RC3H1: variants seen among roughly 807,000 people sequenced by gnomAD.
RC3H1 encodes roquin-1.
Under a neutral mutation model 138.2 loss-of-function variants are expected in RC3H1, and 50 were observed. The ratio of observed to expected loss-of-function variants is 0.36; its 90% CI spans 0.29 to 0.46. RC3H1 has a LOEUF of 0.46. Among genes scored for constraint, RC3H1 ranks in the 20% least tolerant of loss-of-function variants. RC3H1 has a pLI of 1.00. For synonymous variants in RC3H1, 462 were observed against 489.1 expected (o/e 0.94, Z 0.73); for missense variants, 1,031 against 1,388.1 (o/e 0.74, Z 4.09).
chr1:173,963,858 G>A, intron 11 of RC3H1, 115 bp downstream of exon 11: 4 of 750,168 alleles, frequency 5.3e-6, no homozygotes. Flanking sequence ...ATTAAAAAAT[G>A]CATTTATACA....
Position 173,983,410 on chromosome 1 carries a change from TTA to T in RC3H1, c.592+6_592+7del. 6.2e-7 allele frequency: 1 copy of T among 1,613,908 alleles called. No individual in the cohort carries two copies. Among genetic ancestry groups the T allele is most frequent in the Non-Finnish European group, 8.5e-7 (1 of 1,179,850 alleles). ...CAGCAGAATAAATACCTAAAGTTAA[TTA>T]TGTACCTGGTCCAAGGAACTGGCAT... On this transcript the variant is annotated splice_donor_region_variant and intron_variant, in intron 4 of 19. Coordinates refer to ENST00000367696, the MANE Select transcript of RC3H1 (RefSeq NM_172071.4).
chr1:174,007,311 AC>A lies in RC3H1; in HGVS notation c.-150-14177del, dbSNP rs375407513. Among the ~76,000 whole-genome samples, 206 of 151,426 alleles carry A rather than the reference AC, an allele frequency of 1.4e-3. 5 individuals carry two copies. In the East Asian group the frequency reaches 0.036, roughly 27 times the overall value. On this transcript the variant is annotated intron_variant, in intron 1 of 19. Coordinates refer to ENST00000367696, the MANE Select transcript of RC3H1 (RefSeq NM_172071.4). ...AGGCTGAGGCAGGAGAATGGCGTGA[AC>A]CCGGGAGGCGGAGCTTGCAGTGAGC...
intron 1 of RC3H1, among the ~76,000 whole-genome samples, chr1:173,997,587 G>A (rs900243032): frequency 6.6e-6 from 1 of 152,010 alleles, no homozygotes; most frequent in Non-Finnish European, 1.5e-5. Context: ...AAGGTATGTA[G>A]TTGTTAATCT....
chr1:173,984,051 T>C (rs1430917933), intron 3 of RC3H1, among the ~76,000 whole-genome samples: 1 of 152,228 alleles, frequency 6.6e-6, no homozygotes, highest in African/African-American at 2.4e-5. Flanking sequence ...AAGCCCTTTC[T>C]GTGCAGTAAT....
At chr1:174,014,655 G>A (rs534811337) in intron 1 of RC3H1, among the ~76,000 whole-genome samples, 2 of 152,196 alleles carry the variant, frequency 1.3e-5, no homozygotes, top group South Asian at 2.1e-4. Flanking sequence ...ATTTAAGGAG[G>A]AAAATAACAT....
At chr1:173,948,784 C>T (rs1033480129) in intron 14 of RC3H1, among the ~76,000 whole-genome samples, 1 of 151,884 alleles carries the variant, frequency 6.6e-6, no homozygotes, top group Non-Finnish European at 1.5e-5. Context: ...TGGGGTCTTG[C>T]TATGTTGCCC....
rs778957059 is a variant in RC3H1 at position 173,962,408 on chromosome 1, T to A, written c.1832-313A>T. 3.3e-4 allele frequency among the ~76,000 whole-genome samples: 50 copies of A among 152,188 alleles called. 1 individual carries two copies. Among genetic ancestry groups the A allele is most frequent in the Admixed American group, 1.8e-3 (28 of 15,278 alleles). On this transcript the variant is annotated intron_variant, in intron 11 of 19. Transcript: ENST00000367696. ...ACAAAAAAACTACATTTCCCAGATA[T>A]CCTTGAAGTCAGGTTCCACAAATCA...
intron 11 of RC3H1, 104 bp from the exon 12 acceptor site, chr1:173,962,199 C>A: frequency 9.2e-7 from 1 of 1,088,062 alleles, no homozygotes; most frequent in East Asian, 2.5e-5. Context: ...TATTGATAAT[C>A]TACTTATTTC....
At chr1:173,970,647 T>C (rs1571205488) in intron 8 of RC3H1, 30 bp from the exon 9 acceptor site, 2 of 1,377,714 alleles carry the variant, frequency 1.5e-6, no homozygotes, top group East Asian at 4.7e-5. Flanking sequence ...ATTAGATGTG[T>C]AATAACCCCC....
intron 8 of RC3H1, among the ~76,000 whole-genome samples, chr1:173,970,835 A>G (rs933425867): frequency 2.0e-4 from 31 of 152,174 alleles, no homozygotes; most frequent in African/African-American, 7.2e-4. Flanking sequence ...TTTTTCTGAT[A>G]TGTTGATATT....
At chr1:174,011,110 G>A (rs185460470) in intron 1 of RC3H1, among the ~76,000 whole-genome samples, 1,546 of 151,900 alleles carry the variant, frequency 0.01, 21 homozygotes, top group Non-Finnish European at 0.016. Context: ...TTCTTACTTC[G>A]AAATCCATCA....
chr1:174,002,228 C>A (rs999929268), intron 1 of RC3H1, among the ~76,000 whole-genome samples: 1 of 152,128 alleles, frequency 6.6e-6, no homozygotes, highest in Admixed American at 6.6e-5. Flanking sequence ...TGAAATCAGT[C>A]CTCTTGCTGC....
intron 17 of RC3H1, among the ~76,000 whole-genome samples, chr1:173,944,500 T>A: frequency 6.6e-6 from 1 of 152,196 alleles, no homozygotes; most frequent in East Asian, 1.9e-4. Context: ...CACACCAACA[T>A]GGCACATGTA....
At position 173,964,054 on chromosome 1, in the gene RC3H1, A is replaced by G. The variant is rs761354454; in HGVS notation, c.1750T>C (p.Tyr584His). The change falls in exon 11 of 20, where the codon TAT (tyrosine) becomes CAT (histidine). Residue 584 changes from tyrosine to histidine, a missense_variant. Transcript: ENST00000367696. The stretch of plus-strand genomic sequence containing the variant: ...TAAACATCCGTCTGTTGTGCTGGAT[A>G]TAACTGAGAACCTCGAGGTACCATC... ...LQMVPRGSQL[Y>H]PAQQTDVYYQ... 37 of 1,614,088 alleles carry G rather than the reference A, an allele frequency of 2.3e-5. No homozygotes were observed. The highest frequency in any genetic ancestry group is 1.6e-4 in the Middle Eastern group (1 of 6,084).
At chr1:173,982,040 C>A (rs1015173089) in intron 5 of RC3H1, among the ~76,000 whole-genome samples, 9 of 152,244 alleles carry the variant, frequency 5.9e-5, no homozygotes, top group East Asian at 1.9e-4. Flanking sequence ...GCAAATGGAA[C>A]TTCATTATTG....
intron 1 of RC3H1, among the ~76,000 whole-genome samples, chr1:173,994,560 A>C (rs555436738): frequency 6.6e-6 from 1 of 152,200 alleles, no homozygotes; most frequent in East Asian, 1.9e-4. Context: ...GCACTTTCAG[A>C]GGCTGAGATG....
At chr1:173,951,835 A>G (rs1659413414) in intron 14 of RC3H1, 151 bp downstream of exon 14, 2 of 516,994 alleles carry the variant, frequency 3.9e-6, no homozygotes, top group Admixed American at 4.2e-5. Flanking sequence ...TCAAAAACCT[A>G]TACTGTTTAA....
chr1:174,017,615 T>G (rs1310675510), intron 1 of RC3H1, among the ~76,000 whole-genome samples: 1 of 151,998 alleles, frequency 6.6e-6, no homozygotes, highest in Non-Finnish European at 1.5e-5. Context: ...TTTGGGGTAA[T>G]GAACACATTC....
At chr1:173,983,010 C>A (rs894432073) in intron 4 of RC3H1, 108 bp from the exon 5 acceptor site, 5 of 969,078 alleles carry the variant, frequency 5.2e-6, no homozygotes, top group Non-Finnish European at 7.6e-6. Context: ...AATTAACTGG[C>A]AATACAGTTA....
Sources: allele counts gnomAD v4.1 joint callset (sites outside exome capture counted in the v4.1 genomes callset), GRCh38; gene constraint gnomAD v4.1.1; transcripts MANE v1.5; gene names NCBI Gene and HGNC (gene_info 2026-07-23, HGNC 2026-07-21).